ZNF177: variants seen among roughly 807,000 people sequenced by gnomAD.
ZNF177 encodes zinc finger protein 177.
Under a neutral mutation model 19.4 loss-of-function variants are expected in ZNF177, and 17 were observed. The observed-to-expected ratio is 0.87, with a 90% CI of 0.60 to 1.31. The LOEUF is 1.31. ZNF177 is among the 40% of genes most tolerant of loss of function. The pLI, the probability that ZNF177 is intolerant of heterozygous loss-of-function variation, is 0.00. For missense variants in ZNF177, 633 were observed against 561.8 expected, an observed-to-expected ratio of 1.13 and a Z score of -1.28; for synonymous variants, 220 against 188.7, an observed-to-expected ratio of 1.17 and a Z score of -1.36.
chr19:9,374,670 T>A (rs1036469874), upstream of ZNF177, among the ~76,000 whole-genome samples: 5 of 149,402 alleles, frequency 3.3e-5, no homozygotes, highest in East Asian at 9.7e-4. Flanking sequence ...TTTTAGATAG[T>A]TTGTTAGAAA....
exon 6 of ZNF177, chr19:9,381,113 A>G (rs1378411701): frequency 1.9e-6 from 3 of 1,613,750 alleles, no homozygotes; most frequent in Non-Finnish European, 2.5e-6. Context: ...TGTAATGAAC[A>G]TGAGAAAACT....
intron 2 of ZNF177, among the ~76,000 whole-genome samples, chr19:9,366,999 A>G (rs960819852): frequency 3.9e-5 from 6 of 152,188 alleles, no homozygotes; most frequent in Non-Finnish European, 7.3e-5. Context: ...CATTCAGATC[A>G]TTTGCCCATC....
chr19:9,376,624 G>C (rs573373863), intron 1 of ZNF177, among the ~76,000 whole-genome samples: 76 of 152,180 alleles, frequency 5.0e-4, no homozygotes, highest in African/African-American at 1.8e-3. Flanking sequence ...AGTTTTAATA[G>C]TCTGTTTTAA....
exon 6 of ZNF177, chr19:9,381,323 A>G: frequency 1.9e-6 from 3 of 1,614,036 alleles, no homozygotes; most frequent in South Asian, 1.1e-5. Flanking sequence ...AATGTGCACA[A>G]AAGAACTCAC....
exon 6 of ZNF177, chr19:9,381,190 A>G (rs1436568873): frequency 6.2e-7 from 1 of 1,614,226 alleles, no homozygotes; most frequent in Admixed American, 1.7e-5. Context: ...CTATGAATGC[A>G]GTGACTGTGG....
At chr19:9,381,857 G>C (rs949998011) in exon 6 of ZNF177, 1 of 1,511,132 alleles carries the variant, frequency 6.6e-7, no homozygotes, top group Non-Finnish European at 8.8e-7. Flanking sequence ...GCCCTGTTAT[G>C]GTCACCTGGA....
chr19:9,380,669 C>A (rs1488081030), exon 6 of ZNF177: 1 of 1,535,532 alleles, frequency 6.5e-7, no homozygotes, highest in Admixed American at 2.0e-5. Context: ...TTTCAACAGG[C>A]AGAAAATCAA....
At chr19:9,380,999 A>C in exon 6 of ZNF177, 4 of 1,571,012 alleles carry the variant, frequency 2.5e-6, no homozygotes, top group Non-Finnish European at 3.4e-6. Flanking sequence ...TCAGTACGTG[A>C]GCAAATACCT....
At position 9,382,159 on chromosome 19, in the gene ZNF177, C is replaced by A. The variant is rs535418424; in HGVS notation, c.*382C>A. ...CTCAATATCCATTCCTCCCTTCTTT[C>A]TTAAAGTAATAAAATTTACCATTTA... On this transcript the variant is annotated 3_prime_UTR_variant, in exon 6 of 6. Transcript: ENST00000589262. 2.2e-5 allele frequency: 9 copies of A among 400,144 alleles called. 1 individual carries two copies. The South Asian group carries it at 8.0e-4, about 36-fold the overall frequency. The allele number at this position is 400,144 out of a possible 1,614,324, so 24.8% of individuals were successfully genotyped here.
chr19:9,376,554 T>C (rs1316512978), intron 1 of ZNF177, 131 bp downstream of exon 3: 1 of 152,220 alleles, frequency 6.6e-6, no homozygotes, highest in Non-Finnish European at 1.5e-5. Context: ...GATTTCTTTC[T>C]CTTTTCTCCA....
At chr19:9,377,785 T>C (rs8103270) in intron 1 of ZNF177, among the ~76,000 whole-genome samples, 58,419 of 152,014 alleles carry the variant, frequency 0.38, 12,966 homozygotes, top group Non-Finnish European at 0.5. Context: ...ATGGTCCTTA[T>C]GAGTTACTCC....
chr19:9,369,940 T>C (rs888678119), intron 2 of ZNF177, among the ~76,000 whole-genome samples: 1 of 152,160 alleles, frequency 6.6e-6, no homozygotes, highest in African/African-American at 2.4e-5. Context: ...ACGAATTTGG[T>C]ATTATTACCA....
intron 2 of ZNF177, among the ~76,000 whole-genome samples, chr19:9,369,612 A>AT (rs1330509811): frequency 1.7e-4 from 26 of 151,940 alleles, no homozygotes; most frequent in Admixed American, 1.3e-3. Context: ...ACAGTCAGAC[A>AT]TTTTTTACCA....
upstream of ZNF177, among the ~76,000 whole-genome samples, chr19:9,375,290 G>C (rs994100816): frequency 1.3e-5 from 2 of 152,098 alleles, no homozygotes; most frequent in Non-Finnish European, 2.9e-5. Context: ...ATATTGGCTT[G>C]TAGTTTTTTG....
At chr19:9,373,948 T>G (rs952103127), upstream of ZNF177, among the ~76,000 whole-genome samples, 7 of 152,198 alleles carry the variant, frequency 4.6e-5, no homozygotes, top group East Asian at 1.9e-4. Context: ...CTTTCTTGCC[T>G]GTGCTTTTGG....
intron 2 of ZNF177, among the ~76,000 whole-genome samples, chr19:9,368,408 TAA>T (rs1049404438): frequency 6.6e-6 from 1 of 152,166 alleles, no homozygotes; most frequent in African/African-American, 2.4e-5. Flanking sequence ...TGAATTTGAT[TAA>T]AGTTATTCAT....
chr19:9,366,826 G>A (rs77216274), intron 2 of ZNF177, among the ~76,000 whole-genome samples: 3,215 of 152,212 alleles, frequency 0.021, 110 homozygotes, highest in African/African-American at 0.073. Flanking sequence ...AAAAAAACAA[G>A]AGAATTTCTC....
chr19:9,363,752 C>T (rs2067938873), intron 1 of ZNF177, among the ~76,000 whole-genome samples: 1 of 152,092 alleles, frequency 6.6e-6, no homozygotes, highest in Non-Finnish European at 1.5e-5. Flanking sequence ...CCTGTAGTTT[C>T]TTTTGGATGT....
rs751041093 is a variant in ZNF177, at chr19:9,380,042, C to T, written c.254-15C>T. The T allele has an allele frequency of 3.1e-6, 5 of 1,604,244 alleles. No homozygotes were observed. Among genetic ancestry groups the T allele is most frequent in the Non-Finnish European group, 4.2e-6 (5 of 1,177,676 alleles). ...TTTTCTCCCAATAATTATAAAAATT[C>T]CTGTGCTATTTCAGACTGGGAAACT... On this transcript the variant is annotated splice_polypyrimidine_tract_variant and intron_variant, in intron 4 of 5. Coordinates refer to ENST00000589262, the Ensembl canonical transcript of ZNF177.
Sources: gnomAD v4.1 joint callset for allele counts (sites outside exome capture counted in the v4.1 genomes callset) on GRCh38, gnomAD v4.1.1 for gene constraint, MANE v1.5 for transcripts, NCBI Gene and HGNC (gene_info 2026-07-23, HGNC 2026-07-21) for gene names.